The following ABL1 variants were observed in gnomAD, a reference collection of about 807,000 sequenced individuals.
ABL1 encodes the protein ABL proto-oncogene 1, non-receptor tyrosine kinase, also known as tyrosine-protein kinase ABL1.
In ABL1, 11 loss-of-function variants were observed where a neutral mutation model predicts 94.7. That is an observed-to-expected ratio of 0.12 (90% CI 0.07 to 0.19). ABL1 has a LOEUF of 0.19. Ranked by LOEUF, ABL1 falls within the 10% of genes least tolerant of loss-of-function variation. ABL1 has a pLI of 1.00. For missense variants in ABL1, 1,082 were observed against 1,489.4 expected (o/e 0.73, Z 4.50); for synonymous variants, 656 against 622.4 (o/e 1.05, Z -0.80).
chr9:130,835,023 G>A (rs990436919), upstream of ABL1: 1 of 334,510 alleles, frequency 3.0e-6, no homozygotes, highest in African/African-American at 2.2e-5. The surrounding 1 kb of genome is among the most constrained non-coding windows in gnomAD (Gnocchi z 4.6). Context: ...CCGGGGCTGG[G>A]ACGGCGCTTC....
At chr9:130,877,304 T>C (rs1193404870) in intron 7 of ABL1, among the ~76,000 whole-genome samples, 3 of 148,410 alleles carry the variant, frequency 2.0e-5, no homozygotes, top group Non-Finnish European at 4.5e-5. Flanking sequence ...TCTTATCCTT[T>C]AATGGGAAAT....
At chr9:130,808,940 A>T (rs917576086) in intron 1 of ABL1, among the ~76,000 whole-genome samples, 3 of 152,226 alleles carry the variant, frequency 2.0e-5, no homozygotes, top group African/African-American at 7.2e-5. Context: ...GCGAATCCTG[A>T]GACCTGAGAA....
intron 1 of ABL1, among the ~76,000 whole-genome samples, chr9:130,763,512 T>C (rs1324894928): frequency 2.6e-5 from 4 of 152,168 alleles, no homozygotes; most frequent in African/African-American, 9.7e-5. Flanking sequence ...TTGTGGTCTC[T>C]CATGAGATTG....
At chr9:130,882,536 A>C (rs1831476033) in intron 10 of ABL1, among the ~76,000 whole-genome samples, 1 of 152,020 alleles carries the variant, frequency 6.6e-6, no homozygotes, top group East Asian at 1.9e-4. Flanking sequence ...AACACCAAAA[A>C]GATTTCCTTT....
At position 130,886,063 on chromosome 9, in the gene ABL1, C is replaced by T. The variant is rs1831577488; in HGVS notation, c.*380C>T. 3.8e-6 allele frequency: 1 copy of T among 262,734 alleles called. No homozygotes were observed. The highest frequency in any genetic ancestry group is 4.9e-5 in the Admixed American group (1 of 20,432). The allele number at this position is 262,734 out of a possible 1,614,324, so 16.3% of individuals were successfully genotyped here. ...TTTCATTTTTTTCTCTCTGGAGCCC[C>T]TCCTCCCCCGGCTGGGCCTCCTTCT... On this transcript the variant is annotated 3_prime_UTR_variant, in exon 11 of 11. Coordinates refer to ENST00000318560, the MANE Select transcript of ABL1 (RefSeq NM_005157.6).
intron 1 of ABL1, among the ~76,000 whole-genome samples, chr9:130,837,844 G>T (rs1029016142): frequency 1.3e-5 from 2 of 152,166 alleles, no homozygotes; most frequent in African/African-American, 4.8e-5. Context: ...AATCAGTGTC[G>T]ATCAGTCAGT....
upstream of ABL1, chr9:130,835,097 C>T (rs540682109): frequency 7.5e-6 from 2 of 267,018 alleles, no homozygotes; most frequent in African/African-American, 4.7e-5. The surrounding 1 kb of genome is among the most constrained non-coding windows in gnomAD (Gnocchi z 4.6). Context: ...GCCATTGGCC[C>T]GGGTTGGCTT....
chr9:130,723,596 C>T (rs1281841407), intron 1 of ABL1, among the ~76,000 whole-genome samples: 1 of 152,042 alleles, frequency 6.6e-6, no homozygotes, highest in Non-Finnish European at 1.5e-5. Context: ...CTTAACCTTT[C>T]AACACTCTCT....
intron 1 of ABL1, among the ~76,000 whole-genome samples, chr9:130,849,528 G>GT (rs113100372): frequency 3.8e-4 from 57 of 150,950 alleles, no homozygotes; most frequent in African/African-American, 1.0e-3. Flanking sequence ...AATTTTTTTT[G>GT]TTTTTTTTTG....
chr9:130,858,673 C>T (rs2132965019), intron 3 of ABL1, among the ~76,000 whole-genome samples: 1 of 152,304 alleles, frequency 6.6e-6, no homozygotes, highest in African/African-American at 2.4e-5. Flanking sequence ...AAATGCTGCT[C>T]ACATAGCAGA....
Position 130,724,747 on chromosome 9 carries a change from TAAAAAAAAAA to T in ABL1, c.136+10306_136+10315del, listed in dbSNP as rs34124679. The T allele has an allele frequency of 5.3e-3, 1,630 of 310,196 alleles. 4 individuals are homozygous for T. The highest frequency in any genetic ancestry group is 6.8e-3 in the Non-Finnish European group (1,102 of 161,588). 19.2% of individuals were successfully genotyped at this position (310,196 alleles called of 1,614,324 possible). On this transcript the variant is annotated intron_variant, in intron 1 of 10. Transcript: ENST00000372348. Reference sequence around the variant, plus strand: ...GGGCGACAGAGCGAAACCCTGTCTTTAAAAAAAAAAAAAAAAAAAAAAAGCAAATAAATTC... The same window carrying T: ...GGGCGACAGAGCGAAACCCTGTCTTTAAAAAAAAAAAAAGCAAATAAATTC...
At chr9:130,858,923 C>G (rs1052385971) in intron 3 of ABL1, among the ~76,000 whole-genome samples, 4 of 152,134 alleles carry the variant, frequency 2.6e-5, no homozygotes, top group African/African-American at 4.8e-5. Flanking sequence ...GGGTCATCAG[C>G]CGAGGACCAT....
chr9:130,714,528 C>T, intron 1 of ABL1: 4 of 1,583,822 alleles, frequency 2.5e-6, no homozygotes, highest in Non-Finnish European at 3.5e-6. Flanking sequence ...GAACTTTGAA[C>T]AACAGTACTT....
At chr9:130,841,417 T>C (rs910344564) in intron 1 of ABL1, among the ~76,000 whole-genome samples, 6 of 152,116 alleles carry the variant, frequency 3.9e-5, no homozygotes, top group East Asian at 1.9e-4. Flanking sequence ...AAAAATCTTA[T>C]AATGTTTTTA....
intron 1 of ABL1, among the ~76,000 whole-genome samples, chr9:130,850,459 G>A (rs1198429724): frequency 2.0e-5 from 3 of 152,132 alleles, no homozygotes; most frequent in Non-Finnish European, 4.4e-5. Context: ...TTATAGGGAG[G>A]ACTTACAGAA....
chr9:130,807,954 T>A (rs1178823524), intron 1 of ABL1, among the ~76,000 whole-genome samples: 2 of 151,378 alleles, frequency 1.3e-5, no homozygotes, highest in Non-Finnish European at 2.9e-5. Context: ...CCACCTCAGC[T>A]TTTCAAAGTG....
chr9:130,758,712 T>C (rs946254132), intron 1 of ABL1, among the ~76,000 whole-genome samples: 1 of 152,156 alleles, frequency 6.6e-6, no homozygotes, highest in East Asian at 1.9e-4. Flanking sequence ...GGATTACAGG[T>C]GTGAGCCACC....
At chr9:130,868,541 TCAGA>T (rs1831197836) in intron 4 of ABL1, among the ~76,000 whole-genome samples, 1 of 140,868 alleles carries the variant, frequency 7.1e-6, no homozygotes, top group Admixed American at 6.8e-5. Context: ...TTTTTTTTTT[TCAGA>T]CAGAGTTTTG....
At chr9:130,819,318 C>T (rs1218526094) in intron 1 of ABL1, among the ~76,000 whole-genome samples, 1 of 151,972 alleles carries the variant, frequency 6.6e-6, no homozygotes, top group African/African-American at 2.4e-5. Flanking sequence ...TGTGCCACTG[C>T]ACTCCAGCCT....
Sources: gnomAD v4.1 joint callset for allele counts (sites outside exome capture counted in the v4.1 genomes callset) on GRCh38, gnomAD v4.1.1 for gene constraint, Gnocchi (gnomAD v3.1) non-coding constraint, MANE v1.5 for transcripts, NCBI Gene and HGNC (gene_info 2026-07-23, HGNC 2026-07-21) for gene names.